The following PLEKHA5 variants were observed in gnomAD, a reference collection of about 807,000 sequenced individuals.
The protein encoded by PLEKHA5 is pleckstrin homology domain-containing family A member 5.
In PLEKHA5, 55 loss-of-function variants were observed where a neutral mutation model predicts 181.9. That is an observed-to-expected ratio of 0.30 (90% CI 0.24 to 0.38). PLEKHA5 has a LOEUF of 0.38. PLEKHA5 is among the 10% of genes least tolerant of loss of function. The pLI is 1.00. For missense variants in PLEKHA5, 1,432 were observed against 1,549.5 expected (o/e 0.92, Z 1.27); for synonymous variants, 535 against 529.4 (o/e 1.01, Z -0.15).
chr12:19,133,758 T>C (rs1189941445), intron 3 of PLEKHA5, among the ~76,000 whole-genome samples: 1 of 151,976 alleles, frequency 6.6e-6, no homozygotes, highest in Non-Finnish European at 1.5e-5. Context: ...TTTCTGTGAA[T>C]ATTTTTGGGT....
At chr12:19,254,421 G>C (rs2066269141) in intron 4 of PLEKHA5, among the ~76,000 whole-genome samples, 3 of 152,162 alleles carry the variant, frequency 2.0e-5, no homozygotes, top group Admixed American at 2.0e-4. Flanking sequence ...CACAGAGTTA[G>C]TTACTGAAAT....
chr12:19,143,803 A>T (rs2038131112), intron 3 of PLEKHA5, among the ~76,000 whole-genome samples: 1 of 152,162 alleles, frequency 6.6e-6, no homozygotes, highest in Admixed American at 6.5e-5. Context: ...TTATATATTT[A>T]TTCAGTAGAA....
intron 15 of PLEKHA5, among the ~76,000 whole-genome samples, chr12:19,298,351 G>T (rs896571791): frequency 2.0e-5 from 3 of 150,000 alleles, no homozygotes; most frequent in Non-Finnish European, 4.4e-5. Flanking sequence ...CCTATTTAGT[G>T]CTCTTACATT....
intron 30 of PLEKHA5, among the ~76,000 whole-genome samples, chr12:19,367,606 G>T (rs956963428): frequency 6.7e-6 from 1 of 148,642 alleles, no homozygotes; most frequent in Non-Finnish European, 1.5e-5. Context: ...TTGAGATGGA[G>T]TCTTGCTCTG....
intron 3 of PLEKHA5, among the ~76,000 whole-genome samples, chr12:19,187,253 A>T (rs1207052615): frequency 6.6e-6 from 1 of 152,204 alleles, no homozygotes; most frequent in East Asian, 1.9e-4. Flanking sequence ...AAATTTCTAG[A>T]TACACTGAAC....
At chr12:19,175,731 T>C (rs1039226728) in intron 3 of PLEKHA5, among the ~76,000 whole-genome samples, 1 of 152,228 alleles carries the variant, frequency 6.6e-6, no homozygotes. Context: ...GTACATAACA[T>C]TGTTGAAACT....
At chr12:19,204,874 A>T (rs548592510) in intron 3 of PLEKHA5, among the ~76,000 whole-genome samples, 1 of 152,142 alleles carries the variant, frequency 6.6e-6, no homozygotes, top group Non-Finnish European at 1.5e-5. Context: ...AGAGAACAGA[A>T]TAAGAGATTG....
At chr12:19,285,241 AC>A (rs796798260) in intron 12 of PLEKHA5, among the ~76,000 whole-genome samples, 79 of 152,346 alleles carry the variant, frequency 5.2e-4, no homozygotes, top group African/African-American at 1.8e-3. Flanking sequence ...CTGATCTAAT[AC>A]AACTTAATGT....
At chr12:19,312,167 G>A (rs1160985569) in intron 15 of PLEKHA5, among the ~76,000 whole-genome samples, 1 of 152,184 alleles carries the variant, frequency 6.6e-6, no homozygotes, top group Non-Finnish European at 1.5e-5. Flanking sequence ...AAACCATGCT[G>A]TAAACAGATG....
At position 19,352,442 on chromosome 12, in the gene PLEKHA5, A is replaced by G. The variant is rs189268927; in HGVS notation, c.3020-1442A>G. ...TGAAAATGAGTACCTATAGTTAGCTATTGTTAACATTGTTAGTGGACACTT... is the reference window on the plus strand; with the variant it reads ...TGAAAATGAGTACCTATAGTTAGCTGTTGTTAACATTGTTAGTGGACACTT... On this transcript the variant is annotated intron_variant, in intron 25 of 31. Coordinates refer to ENST00000429027, the MANE Select transcript of PLEKHA5 (RefSeq NM_001256470.2). Among the ~76,000 whole-genome samples, 370 of 152,160 alleles carry G rather than the reference A, an allele frequency of 2.4e-3. 4 individuals carry two copies. The highest frequency in any genetic ancestry group is 8.5e-3 in the African/African-American group (352 of 41,534).
intron 25 of PLEKHA5, among the ~76,000 whole-genome samples, chr12:19,350,588 G>A (rs541802435): frequency 4.2e-4 from 64 of 152,068 alleles, no homozygotes; most frequent in Admixed American, 7.2e-4. Context: ...GGCCAACATG[G>A]CGAAGCCCCA....
At chr12:19,322,077 C>T (rs374438661) in intron 18 of PLEKHA5, among the ~76,000 whole-genome samples, 24 of 149,580 alleles carry the variant, frequency 1.6e-4, no homozygotes, top group African/African-American at 6.1e-4. Context: ...AAACATATAA[C>T]AATAGAATCC....
At chr12:19,141,921 C>T (rs1467700889) in intron 3 of PLEKHA5, among the ~76,000 whole-genome samples, 1 of 152,176 alleles carries the variant, frequency 6.6e-6, no homozygotes, top group Non-Finnish European at 1.5e-5. Context: ...ATGCTGTCTA[C>T]ATGGGGAGTG....
chr12:19,223,802 T>C (rs534635772), intron 3 of PLEKHA5, among the ~76,000 whole-genome samples: 54 of 152,152 alleles, frequency 3.5e-4, no homozygotes, highest in Non-Finnish European at 5.6e-4. Context: ...AGCAGAATCC[T>C]TCACTGTGAG....
chr12:19,354,102 A>G (rs1483466268), intron 26 of PLEKHA5, 100 bp downstream of exon 26: 5 of 480,358 alleles, frequency 1.0e-5, no homozygotes, highest in Non-Finnish European at 1.9e-5. Context: ...TTATTTTTGC[A>G]TACTCAAAGA....
intron 3 of PLEKHA5, among the ~76,000 whole-genome samples, chr12:19,202,870 A>T (rs933596707): frequency 6.6e-6 from 1 of 152,134 alleles, no homozygotes; most frequent in African/African-American, 2.4e-5. Context: ...TACCTGCGTT[A>T]GGACAAATGC....
chr12:19,233,183 A>G (rs2060896366), intron 3 of PLEKHA5, among the ~76,000 whole-genome samples: 2 of 152,198 alleles, frequency 1.3e-5, no homozygotes, highest in African/African-American at 4.8e-5. Flanking sequence ...TCATGAACAA[A>G]TGGTATGTGC....
chr12:19,230,520 G>A (rs1197728402), intron 3 of PLEKHA5, among the ~76,000 whole-genome samples: 5 of 152,332 alleles, frequency 3.3e-5, no homozygotes, highest in African/African-American at 1.2e-4. Context: ...AGCAGCTGAG[G>A]CCCGGCGAGA....
chr12:19,224,405 A>C (rs891804530), intron 3 of PLEKHA5, among the ~76,000 whole-genome samples: 1 of 152,124 alleles, frequency 6.6e-6, no homozygotes, highest in Admixed American at 6.6e-5. Context: ...CCTGGGCAGA[A>C]TTCTACCATT....
Sources: gnomAD v4.1 joint callset for allele counts (sites outside exome capture counted in the v4.1 genomes callset) on GRCh38, gnomAD v4.1.1 for gene constraint, MANE v1.5 for transcripts, NCBI Gene and HGNC (gene_info 2026-07-23, HGNC 2026-07-21) for gene names.